The following SGCD variants were observed in gnomAD, a reference collection of about 807,000 sequenced individuals.
SGCD encodes the protein sarcoglycan delta, also known as delta-sarcoglycan.
A neutral mutation model predicts 36.6 loss-of-function variants in SGCD; 18 were observed. The observed-to-expected ratio is 0.49, with a 90% CI of 0.34 to 0.73. The LOEUF is 0.73. Ranked by LOEUF, SGCD falls within the 30% of genes least tolerant of loss-of-function variation. The probability of loss-of-function intolerance (pLI) is 0.01; values close to 1 mark genes in which losing one functional copy is unlikely to be tolerated. For synonymous variants in SGCD, 133 were observed against 130.6 expected (o/e 1.02, Z -0.12); for missense variants, 387 against 346.7 (o/e 1.12, Z -0.92).
chr5:155,727,894 C>T, the SGCD span, among the ~76,000 whole-genome samples: 4 of 152,202 alleles, frequency 2.6e-5, no homozygotes, highest in Non-Finnish European at 1.5e-5. Context: ...CCCCTTTCTT[C>T]TCCCGGGAGT....
chr5:155,990,954 C>T (rs144597326), intron 1 of SGCD, among the ~76,000 whole-genome samples: 21 of 152,242 alleles, frequency 1.4e-4, no homozygotes, highest in Admixed American at 4.6e-4. Context: ...CATTCTCAAT[C>T]CTGAGTGTCT....
intron 7 of SGCD, among the ~76,000 whole-genome samples, chr5:156,733,855 C>CTTTA (rs1474585852): frequency 6.6e-6 from 1 of 152,096 alleles, no homozygotes; most frequent in East Asian, 1.9e-4. Context: ...TCCTCCATCC[C>CTTTA]TTTATTTTGA....
At chr5:156,536,581 G>C (rs996861391) in intron 4 of SGCD, among the ~76,000 whole-genome samples, 7 of 148,696 alleles carry the variant, frequency 4.7e-5, no homozygotes, top group African/African-American at 1.5e-4. Flanking sequence ...GATCCTTTAA[G>C]CTTTGAGGTG....
intron 1 of SGCD, among the ~76,000 whole-genome samples, chr5:155,994,591 A>G (rs936982484): frequency 7.2e-5 from 11 of 152,162 alleles, no homozygotes; most frequent in African/African-American, 2.7e-4. Flanking sequence ...TGGTCTTGCT[A>G]TTTACCAGCT....
intron 3 of SGCD, among the ~76,000 whole-genome samples, chr5:156,484,280 T>A (rs1188549161): frequency 6.6e-6 from 1 of 152,194 alleles, no homozygotes; most frequent in African/African-American, 2.4e-5. Context: ...ATTTTTAAAA[T>A]AAAGCAAGAG....
At chr5:155,951,559 G>C (rs1757549195) in intron 1 of SGCD, among the ~76,000 whole-genome samples, 1 of 152,144 alleles carries the variant, frequency 6.6e-6, no homozygotes, top group Non-Finnish European at 1.5e-5. Context: ...TTTTGTGCAT[G>C]CCTAATTATT....
At chr5:156,161,721 A>G (rs1763090405) in intron 3 of SGCD, among the ~76,000 whole-genome samples, 1 of 151,824 alleles carries the variant, frequency 6.6e-6, no homozygotes, top group South Asian at 2.1e-4. Flanking sequence ...TGCAGTGTAG[A>G]CATGAACATT....
chr5:156,060,728 C>A (rs1340369173), intron 1 of SGCD, among the ~76,000 whole-genome samples: 1 of 145,638 alleles, frequency 6.9e-6, no homozygotes. Flanking sequence ...CTGTTTGAAT[C>A]TTAATAGGTA....
chr5:156,696,770 A>G (rs983806358), intron 7 of SGCD, among the ~76,000 whole-genome samples: 1 of 152,148 alleles, frequency 6.6e-6, no homozygotes, highest in Non-Finnish European at 1.5e-5. Context: ...TTGGCCTCCC[A>G]AAGTGCTGGG....
intron 1 of SGCD, among the ~76,000 whole-genome samples, chr5:156,053,842 A>T (rs1759985756): frequency 6.8e-6 from 1 of 146,496 alleles, no homozygotes; most frequent in African/African-American, 2.5e-5. Context: ...ATGCTGGCAG[A>T]TTCAATATCT....
chr5:156,161,554 G>C (rs535233838), intron 3 of SGCD, among the ~76,000 whole-genome samples: 1 of 152,046 alleles, frequency 6.6e-6, no homozygotes, highest in South Asian at 2.1e-4. Context: ...AGGGCACAAA[G>C]CTGGTGAATT....
intron 1 of SGCD, among the ~76,000 whole-genome samples, chr5:155,982,244 G>A (rs752744195): frequency 1.3e-5 from 2 of 152,128 alleles, no homozygotes; most frequent in Non-Finnish European, 2.9e-5. Context: ...GGGGCATGAG[G>A]GCAGGGCTTT....
chr5:156,038,788 C>T (rs1158499866), intron 1 of SGCD, among the ~76,000 whole-genome samples: 1 of 152,162 alleles, frequency 6.6e-6, no homozygotes, highest in Non-Finnish European at 1.5e-5. Flanking sequence ...AGAAAAGGCG[C>T]AGAAGAACCT....
At chr5:156,712,311 G>T (rs1755027672) in intron 7 of SGCD, among the ~76,000 whole-genome samples, 1 of 152,188 alleles carries the variant, frequency 6.6e-6, no homozygotes, top group African/African-American at 2.4e-5. Flanking sequence ...GTGGTTCCAG[G>T]ATGGGGTAAG....
At chr5:156,140,949 G>C (rs1297267824) in intron 3 of SGCD, among the ~76,000 whole-genome samples, 1 of 152,144 alleles carries the variant, frequency 6.6e-6, no homozygotes, top group Non-Finnish European at 1.5e-5. Context: ...GGGCAGAACA[G>C]TTTTAAGAGG....
chr5:156,292,718 A>G (rs766888861), intron 3 of SGCD, among the ~76,000 whole-genome samples: 2 of 152,130 alleles, frequency 1.3e-5, no homozygotes, highest in Non-Finnish European at 2.9e-5. Flanking sequence ...AGATTCCCAC[A>G]GGCAGTATAC....
chr5:156,671,213 T>C (rs1197411780), intron 7 of SGCD, among the ~76,000 whole-genome samples: 23 of 151,326 alleles, frequency 1.5e-4, no homozygotes, highest in Admixed American at 1.5e-3. Flanking sequence ...AATTCAGGTC[T>C]CTGGCTTTCC....
intron 1 of SGCD, among the ~76,000 whole-genome samples, chr5:155,979,472 C>T (rs1416513124): frequency 6.6e-6 from 1 of 152,094 alleles, no homozygotes; most frequent in Non-Finnish European, 1.5e-5. Flanking sequence ...GCATGCAAGA[C>T]TTCTATTAAG....
At chr5:156,000,816 T>TA (rs201784739) in intron 1 of SGCD, among the ~76,000 whole-genome samples, 2,945 of 148,408 alleles carry the variant, frequency 0.02, 75 homozygotes, top group African/African-American at 0.073. Context: ...ATATATATAT[T>TA]TTTGCCCTCC....
Sources: allele counts gnomAD v4.1 joint callset (sites outside exome capture counted in the v4.1 genomes callset), GRCh38; gene constraint gnomAD v4.1.1; transcripts MANE v1.5; gene names NCBI Gene and HGNC (gene_info 2026-07-23, HGNC 2026-07-21).